TSPAN14: variants seen among roughly 807,000 people sequenced by gnomAD.
The protein encoded by TSPAN14 is tetraspanin-14.
A neutral mutation model predicts 36.6 loss-of-function variants in TSPAN14; 16 were observed. The ratio of observed to expected loss-of-function variants is 0.44; its 90% CI spans 0.30 to 0.66. The LOEUF is 0.66. Ranked by LOEUF, TSPAN14 falls within the 30% of genes least tolerant of loss-of-function variation. TSPAN14 has a pLI of 0.12. For synonymous variants in TSPAN14, 139 were observed against 143.8 expected (o/e 0.97, Z 0.24); for missense variants, 231 against 355.1 (o/e 0.65, Z 2.81).
At chr10:80,513,787 A>G (rs1417442636) in intron 6 of TSPAN14, among the ~76,000 whole-genome samples, 1 of 152,258 alleles carries the variant, frequency 6.6e-6, no homozygotes, top group African/African-American at 2.4e-5. Context: ...CTCTCATGCA[A>G]CAAAAGCGGA....
In TSPAN14 at chr10:80,509,510, C is replaced by A; in HGVS notation, c.450+39C>A. 6.3e-7 allele frequency: 1 copy of A among 1,596,924 alleles called. No homozygotes were observed. The highest frequency in any genetic ancestry group is 1.7e-5 in the Admixed American group (1 of 59,190). ...CAGCGGGCCCCCGATAGAGCATGCA[C>A]CTCCCTGTGCTGCCTGGAGCTGAGT... On this transcript the variant is annotated intron_variant, in intron 5 of 8. Coordinates refer to ENST00000429989, the Ensembl canonical transcript of TSPAN14. The surrounding 1 kb of genome is among the most constrained non-coding windows in gnomAD (Gnocchi z 4.7).
exon 9 of TSPAN14, chr10:80,518,267 C>A (rs945929347): frequency 2.1e-6 from 1 of 468,582 alleles, no homozygotes; most frequent in Admixed American, 3.7e-5. Flanking sequence ...GCTCCTGTGG[C>A]TGCCAGGAGG....
At chr10:80,486,396 A>G (rs1434993911) in intron 1 of TSPAN14, among the ~76,000 whole-genome samples, 1 of 152,242 alleles carries the variant, frequency 6.6e-6, no homozygotes, top group Non-Finnish European at 1.5e-5. Flanking sequence ...TCATTTTGCA[A>G]AGGCCCCGGG....
intron 2 of TSPAN14, among the ~76,000 whole-genome samples, chr10:80,489,795 C>G (rs1273974500): frequency 1.3e-5 from 2 of 152,156 alleles, no homozygotes; most frequent in Non-Finnish European, 2.9e-5. Flanking sequence ...GGGAGAAGCT[C>G]CTTGGATAGG....
chr10:80,483,981 C>T (rs919418149), intron 1 of TSPAN14, among the ~76,000 whole-genome samples: 1 of 138,200 alleles, frequency 7.2e-6, no homozygotes, highest in Non-Finnish European at 1.5e-5. Flanking sequence ...CGGTGACTCA[C>T]GCCTGTAATC....
intron 1 of TSPAN14, among the ~76,000 whole-genome samples, chr10:80,478,194 A>G (rs1246518242): frequency 1.3e-5 from 2 of 152,278 alleles, no homozygotes; most frequent in Admixed American, 6.5e-5. Context: ...ACAGGATACA[A>G]TAAAAAGGAA....
intron 8 of TSPAN14, 24 bp from the exon 9 acceptor site, chr10:80,517,881 T>A: frequency 6.4e-7 from 1 of 1,555,256 alleles, no homozygotes; most frequent in Non-Finnish European, 8.7e-7. Flanking sequence ...CAATGGCCGC[T>A]GACTCTGCTG....
intron 8 of TSPAN14, 126 bp from the exon 9 acceptor site, chr10:80,517,779 G>A (rs1029228046): frequency 2.0e-5 from 18 of 900,740 alleles, no homozygotes; most frequent in East Asian, 1.1e-4. Context: ...CTGTCTCTAC[G>A]TCTTCAGTCG....
At chr10:80,484,204 C>T (rs10887958) in intron 1 of TSPAN14, among the ~76,000 whole-genome samples, 152,108 of 152,108 alleles carry the variant, frequency 1, 76,054 homozygotes, top group Non-Finnish European at 1. Context: ...GAGTGCGCCA[C>T]TGCACTCCAG....
intron 1 of TSPAN14, among the ~76,000 whole-genome samples, chr10:80,477,655 G>A (rs1225902715): frequency 6.6e-6 from 1 of 152,178 alleles, no homozygotes; most frequent in Admixed American, 6.5e-5. Flanking sequence ...AGCTAATGCA[G>A]TTACATCCTT....
chr10:80,494,085 C>CT (rs774211785), intron 2 of TSPAN14, among the ~76,000 whole-genome samples: 2 of 152,220 alleles, frequency 1.3e-5, no homozygotes, highest in Admixed American at 6.5e-5. Flanking sequence ...TCTAAATAGA[C>CT]TGTAGGCCTG....
chr10:80,497,861 G>A (rs184384110), intron 2 of TSPAN14, among the ~76,000 whole-genome samples: 1 of 152,304 alleles, frequency 6.6e-6, no homozygotes, highest in African/African-American at 2.4e-5. Context: ...GGGCACATGT[G>A]TTGCCTTTTC....
chr10:80,512,122 G>A, intron 5 of TSPAN14, 22 bp from the exon 6 acceptor site: 1 of 1,614,048 alleles, frequency 6.2e-7, no homozygotes, highest in Non-Finnish European at 8.5e-7. Flanking sequence ...GCCCCTAACA[G>A]TTCTGGCTTT....
chr10:80,458,958 A>G (rs1458230322), intron 1 of TSPAN14, among the ~76,000 whole-genome samples: 1 of 150,752 alleles, frequency 6.6e-6, no homozygotes, highest in Non-Finnish European at 1.5e-5. Flanking sequence ...TGACCTACAC[A>G]AGTCTTTGAT....
chr10:80,518,196 T>A (rs1841050188), exon 9 of TSPAN14: 1 of 586,458 alleles, frequency 1.7e-6, no homozygotes, highest in Non-Finnish European at 3.0e-6. Context: ...CCCTCTGGAG[T>A]CTACCCAGAG....
chr10:80,480,630 G>A (rs1847215870), intron 1 of TSPAN14, among the ~76,000 whole-genome samples: 1 of 152,148 alleles, frequency 6.6e-6, no homozygotes, highest in Non-Finnish European at 1.5e-5. Context: ...GTCCTTTGTA[G>A]GGACATGGAT....
intron 1 of TSPAN14, among the ~76,000 whole-genome samples, chr10:80,478,155 A>G (rs75595929): frequency 4.6e-5 from 7 of 152,234 alleles, no homozygotes; most frequent in Non-Finnish European, 8.8e-5. Context: ...GAACATTTTG[A>G]AAAAAATTCT....
intron 1 of TSPAN14, among the ~76,000 whole-genome samples, chr10:80,479,553 C>G (rs925498879): frequency 7.2e-5 from 11 of 152,020 alleles, no homozygotes; most frequent in South Asian, 4.1e-4. Flanking sequence ...ATAGGGAATC[C>G]TTTCCCCATT....
chr10:80,481,318 T>G (rs1847262028), intron 1 of TSPAN14, among the ~76,000 whole-genome samples: 1 of 151,996 alleles, frequency 6.6e-6, no homozygotes, highest in South Asian at 2.1e-4. Context: ...GAAATAGAAA[T>G]AAAACATCAG....
Sources: gnomAD v4.1 joint callset for allele counts (sites outside exome capture counted in the v4.1 genomes callset) on GRCh38, gnomAD v4.1.1 for gene constraint, Gnocchi (gnomAD v3.1) non-coding constraint, MANE v1.5 for transcripts, NCBI Gene and HGNC (gene_info 2026-07-23, HGNC 2026-07-21) for gene names.